SENP7: variants seen among roughly 807,000 people sequenced by gnomAD.
SENP7 encodes sentrin-specific protease 7.
SENP7 carries 64 observed loss-of-function variants against 141.2 expected under a neutral mutation model. The ratio of observed to expected loss-of-function variants is 0.45; its 90% CI spans 0.37 to 0.56. SENP7 has a LOEUF of 0.56. Among genes scored for constraint, SENP7 ranks in the 20% least tolerant of loss-of-function variants. The pLI is 0.00. For missense variants in SENP7, 1,025 were observed against 1,212.2 expected (o/e 0.85, Z 2.29); for synonymous variants, 382 against 426.4 (o/e 0.90, Z 1.28).
chr3:101,455,602 T>C (rs1449032947), intron 4 of SENP7, among the ~76,000 whole-genome samples: 3 of 152,010 alleles, frequency 2.0e-5, no homozygotes, highest in African/African-American at 4.8e-5. Flanking sequence ...TCATTGATAG[T>C]GAAAATGAGA....
rs754673358 is a variant in SENP7 at position 101,399,064 on chromosome 3, T to C, written c.483-9A>G. 1.1e-5 allele frequency: 17 copies of C among 1,599,510 alleles called. No individual in the cohort carries two copies. The highest frequency in any genetic ancestry group is 1.7e-4 in the Middle Eastern group (1 of 6,004). On this transcript the variant is annotated splice_polypyrimidine_tract_variant and intron_variant, in intron 5 of 23. Coordinates refer to ENST00000394095, the MANE Select transcript of SENP7 (RefSeq NM_020654.5). Reference sequence around the variant, plus strand: ...ATATAACTCTGGGTATCCTGTCACATAGAATAACAAACACTGTACTGTACT... The same window carrying C: ...ATATAACTCTGGGTATCCTGTCACACAGAATAACAAACACTGTACTGTACT...
intron 12 of SENP7, 85 bp downstream of exon 12, chr3:101,351,533 T>C: frequency 9.4e-7 from 1 of 1,060,800 alleles, no homozygotes; most frequent in African/African-American, 1.7e-5. Flanking sequence ...AATATTAAGG[T>C]GAAACATTAT....
At chr3:101,511,185 G>A (rs1410818236) in intron 1 of SENP7, among the ~76,000 whole-genome samples, 5 of 152,076 alleles carry the variant, frequency 3.3e-5, no homozygotes. Flanking sequence ...TATAACTAAC[G>A]TAAATATCAA....
At chr3:101,434,629 C>T (rs868717246) in intron 4 of SENP7, among the ~76,000 whole-genome samples, 1 of 151,966 alleles carries the variant, frequency 6.6e-6, no homozygotes, top group African/African-American at 2.4e-5. Flanking sequence ...TCATTAGTGG[C>T]TACAATGAGC....
intron 14 of SENP7, among the ~76,000 whole-genome samples, chr3:101,343,391 T>A (rs2059377783): frequency 6.6e-6 from 1 of 152,192 alleles, no homozygotes; most frequent in African/African-American, 2.4e-5. Context: ...TTAATTGGAT[T>A]TTTTTCTAAG....
At chr3:101,456,349 G>C (rs2063350911) in intron 4 of SENP7, among the ~76,000 whole-genome samples, 1 of 152,020 alleles carries the variant, frequency 6.6e-6, no homozygotes, top group Non-Finnish European at 1.5e-5. Flanking sequence ...ATTTTCCTTT[G>C]TCAGGATCAC....
chr3:101,414,956 A>T (rs2061568382), intron 5 of SENP7, among the ~76,000 whole-genome samples: 1 of 152,126 alleles, frequency 6.6e-6, no homozygotes, highest in Non-Finnish European at 1.5e-5. Context: ...GACTCTTCTT[A>T]CTACACAGGT....
intron 4 of SENP7, among the ~76,000 whole-genome samples, chr3:101,443,268 G>A (rs1309982763): frequency 2.0e-5 from 3 of 152,076 alleles, no homozygotes; most frequent in African/African-American, 2.4e-5. Context: ...GTAGATATGC[G>A]GCGTTATTTC....
At chr3:101,355,074 T>C (rs1315962976) in intron 11 of SENP7, among the ~76,000 whole-genome samples, 1 of 152,042 alleles carries the variant, frequency 6.6e-6, no homozygotes, top group Non-Finnish European at 1.5e-5. Flanking sequence ...AGGGTTGTTT[T>C]TTTCCTGTAA....
chr3:101,407,308 A>C (rs2061333742), intron 5 of SENP7, among the ~76,000 whole-genome samples: 1 of 152,180 alleles, frequency 6.6e-6, no homozygotes, highest in Non-Finnish European at 1.5e-5. Context: ...AGACCTACGA[A>C]ATGAGATAGA....
At chr3:101,443,993 C>A (rs1171100604) in intron 4 of SENP7, among the ~76,000 whole-genome samples, 1 of 148,938 alleles carries the variant, frequency 6.7e-6, no homozygotes, top group Non-Finnish European at 1.5e-5. Flanking sequence ...ACCTACTCAT[C>A]TGACAAAGGG....
chr3:101,445,013 A>G (rs1359870907), intron 4 of SENP7, among the ~76,000 whole-genome samples: 1 of 152,154 alleles, frequency 6.6e-6, no homozygotes. Context: ...TCAATCCAAG[A>G]CACTAAACTT....
At chr3:101,489,467 T>G (rs2064870483) in intron 3 of SENP7, among the ~76,000 whole-genome samples, 1 of 125,438 alleles carries the variant, frequency 8.0e-6, no homozygotes. Context: ...AAGAGACAGA[T>G]CTACCATGCA....
At chr3:101,358,078 T>G in intron 11 of SENP7, 1 of 606,118 alleles carries the variant, frequency 1.6e-6, no homozygotes, top group Non-Finnish European at 2.7e-6. Flanking sequence ...AGATAATTCA[T>G]AGAAACTCTA....
At chr3:101,477,059 CTCTGATGATAGT>C in intron 3 of SENP7, among the ~76,000 whole-genome samples, 1 of 152,142 alleles carries the variant, frequency 6.6e-6, no homozygotes, top group African/African-American at 2.4e-5. Context: ...TGCCTATTCA[CTCTGATGATAGT>C]TTCTTTTGCT....
At chr3:101,351,510 G>A (rs1329712490) in intron 12 of SENP7, 108 bp downstream of exon 12, 5 of 875,362 alleles carry the variant, frequency 5.7e-6, no homozygotes, top group Non-Finnish European at 7.9e-6. Flanking sequence ...TACTCCATTT[G>A]GAATTGCTAA....
chr3:101,380,557 G>A (rs578258251), intron 6 of SENP7, among the ~76,000 whole-genome samples: 1 of 150,780 alleles, frequency 6.6e-6, no homozygotes, highest in Non-Finnish European at 1.5e-5. Context: ...GAGGCCAGGA[G>A]TTCAAGGCTG....
Position 101,485,827 on chromosome 3 carries a change from GA to G in SENP7, c.186+8045del, listed in dbSNP as rs2064703595. ...TAAAGCTAATCAGGGAGGGACCAGA[GA>G]AAGGTGAAGTCCAATGCAAGGAAAT... On this transcript the variant is annotated intron_variant, in intron 3 of 23. Coordinates refer to ENST00000394095, the MANE Select transcript of SENP7 (RefSeq NM_020654.5). Among the ~76,000 whole-genome samples the G allele has an allele frequency of 2.0e-5, 3 of 152,088 alleles. No homozygotes were observed. In the South Asian group the frequency reaches 6.2e-4, roughly 31 times the overall value.
chr3:101,477,060 T>C (rs1024416715), intron 3 of SENP7, among the ~76,000 whole-genome samples: 4 of 152,228 alleles, frequency 2.6e-5, no homozygotes, highest in Non-Finnish European at 4.4e-5. Context: ...GCCTATTCAC[T>C]CTGATGATAG....
Sources: gnomAD v4.1 joint callset for allele counts (sites outside exome capture counted in the v4.1 genomes callset) on GRCh38, gnomAD v4.1.1 for gene constraint, MANE v1.5 for transcripts, NCBI Gene and HGNC (gene_info 2026-07-23, HGNC 2026-07-21) for gene names.